ZBTB7C: variants seen among roughly 807,000 people sequenced by gnomAD.
ZBTB7C encodes zinc finger and BTB domain-containing protein 7C.
ZBTB7C carries 8 observed loss-of-function variants against 25.7 expected under a neutral mutation model. That is an observed-to-expected ratio of 0.31 (90% CI 0.18 to 0.56). The LOEUF (loss-of-function observed/expected upper bound fraction) is 0.56, where lower values mean the gene tolerates loss of function less well. Among genes scored for constraint, ZBTB7C ranks in the 20% least tolerant of loss-of-function variants. The probability of loss-of-function intolerance (pLI) is 0.91; values close to 1 mark genes in which losing one functional copy is unlikely to be tolerated. For synonymous variants in ZBTB7C, 394 were observed against 369.0 expected, an observed-to-expected ratio of 1.07 and a Z score of -0.78; for missense variants, 824 against 855.2, an observed-to-expected ratio of 0.96 and a Z score of 0.46.
chr18:48,373,853 C>T (rs1228179406), intron 1 of ZBTB7C, among the ~76,000 whole-genome samples: 2 of 151,674 alleles, frequency 1.3e-5, no homozygotes, highest in Non-Finnish European at 2.9e-5. Context: ...CCCAGCTACT[C>T]GGGGGGCTAA....
chr18:48,172,118 C>T (rs981214155), intron 3 of ZBTB7C, among the ~76,000 whole-genome samples: 3 of 152,206 alleles, frequency 2.0e-5, no homozygotes, highest in African/African-American at 7.2e-5. Context: ...GTGTAGGCTG[C>T]AGGCAGAGGA....
chr18:48,383,154 C>A (rs1237503731), intron 1 of ZBTB7C, among the ~76,000 whole-genome samples: 1 of 152,192 alleles, frequency 6.6e-6, no homozygotes, highest in East Asian at 1.9e-4. Context: ...CACCAGCCTA[C>A]TGGCCTAGGT....
intron 3 of ZBTB7C, chr18:48,076,871 G>A (rs961298184): frequency 6.4e-6 from 6 of 930,964 alleles, no homozygotes; most frequent in Non-Finnish European, 6.4e-6. Context: ...CCCAAAGCCC[G>A]AACCATGATC....
chr18:48,405,519 G>A (rs546165061), intron 1 of ZBTB7C, among the ~76,000 whole-genome samples: 48 of 152,350 alleles, frequency 3.2e-4, no homozygotes, highest in African/African-American at 1.1e-3. Flanking sequence ...GTGCAAATGG[G>A]AGAGTAGTAT....
At chr18:48,162,406 T>C (rs1312091698) in intron 3 of ZBTB7C, 1 of 456,558 alleles carries the variant, frequency 2.2e-6, no homozygotes, top group African/African-American at 2.0e-5. Context: ...ATCTGTAAAA[T>C]TGAGATAGTA....
intron 3 of ZBTB7C, among the ~76,000 whole-genome samples, chr18:48,141,276 T>C (rs1334066167): frequency 1.3e-5 from 2 of 152,062 alleles, no homozygotes; most frequent in Admixed American, 6.5e-5. Context: ...CCTGACCACA[T>C]AGATAAATTA....
chr18:48,245,105 C>CAT (rs1568327234), intron 2 of ZBTB7C, among the ~76,000 whole-genome samples: 2 of 122,690 alleles, frequency 1.6e-5, no homozygotes, highest in Admixed American at 8.3e-5. Flanking sequence ...TATATATATA[C>CAT]ACACACACAC....
intron 1 of ZBTB7C, among the ~76,000 whole-genome samples, chr18:48,342,314 C>T (rs937611040): frequency 3.9e-5 from 6 of 152,370 alleles, no homozygotes; most frequent in East Asian, 1.9e-4. Flanking sequence ...CTGATGCCAA[C>T]GTCTGGCTGG....
At chr18:48,284,009 T>C (rs1231069944) in intron 2 of ZBTB7C, among the ~76,000 whole-genome samples, 1 of 152,042 alleles carries the variant, frequency 6.6e-6, no homozygotes, top group Non-Finnish European at 1.5e-5. Context: ...TTGCCAGGCA[T>C]AGTGGTGCAC....
rs191776164 is a variant in ZBTB7C, at chr18:48,241,607, T to C, written c.-78-55612A>G. On this transcript the variant is annotated intron_variant, in intron 2 of 4. Coordinates refer to ENST00000590800, the MANE Select transcript of ZBTB7C (RefSeq NM_001318841.2). ...TAAATAATCTGCTCCTGAATGATTGTTGGTACAACAATGAAATCAAGATAG... is the reference window on the plus strand; with the variant it reads ...TAAATAATCTGCTCCTGAATGATTGCTGGTACAACAATGAAATCAAGATAG... Among the ~76,000 whole-genome samples, 23 of 152,250 alleles carry C rather than the reference T, an allele frequency of 1.5e-4. No homozygotes were observed. The East Asian group carries it at 4.1e-3, about 27-fold the overall frequency.
At chr18:48,069,597 G>A (rs2037465954) in intron 3 of ZBTB7C, among the ~76,000 whole-genome samples, 1 of 152,052 alleles carries the variant, frequency 6.6e-6, no homozygotes, top group Admixed American at 6.5e-5. Flanking sequence ...AAGCAAGTCG[G>A]GCCCCTCTAT....
intron 3 of ZBTB7C, among the ~76,000 whole-genome samples, chr18:48,179,622 T>C (rs566138032): frequency 2.0e-5 from 3 of 151,988 alleles, no homozygotes; most frequent in East Asian, 3.9e-4. Flanking sequence ...GTTGGGGGAG[T>C]GGTCAGAAGT....
chr18:48,100,070 C>A (rs2038778033), intron 3 of ZBTB7C, among the ~76,000 whole-genome samples: 1 of 152,178 alleles, frequency 6.6e-6, no homozygotes, highest in South Asian at 2.1e-4. Flanking sequence ...TTCCTTCACT[C>A]TTCTCTGTCA....
chr18:48,268,958 CT>C (rs140699441), intron 2 of ZBTB7C, among the ~76,000 whole-genome samples: 1,713 of 118,984 alleles, frequency 0.014, 18 homozygotes, highest in African/African-American at 0.046. Context: ...TGCTCTGTTT[CT>C]TTTTTTTTTT....
intron 2 of ZBTB7C, among the ~76,000 whole-genome samples, chr18:48,288,445 C>T (rs945387565): frequency 2.0e-5 from 3 of 149,386 alleles, no homozygotes; most frequent in East Asian, 2.0e-4. Context: ...GCCAGGAGTT[C>T]GGGACCAGCC....
chr18:48,091,845 C>T (rs1263885875), intron 3 of ZBTB7C, among the ~76,000 whole-genome samples: 1 of 152,162 alleles, frequency 6.6e-6, no homozygotes, highest in Non-Finnish European at 1.5e-5. Context: ...CTTCAGAGGC[C>T]ACTCGGTGGC....
chr18:48,219,513 C>T (rs1389608119), intron 2 of ZBTB7C, among the ~76,000 whole-genome samples: 1 of 152,194 alleles, frequency 6.6e-6, no homozygotes, highest in Non-Finnish European at 1.5e-5. Context: ...TAAGTGCCTT[C>T]CCAGGTCACA....
chr18:48,041,989 G>C (rs2144168708), intron 3 of ZBTB7C, among the ~76,000 whole-genome samples: 1 of 152,294 alleles, frequency 6.6e-6, no homozygotes, highest in Admixed American at 6.5e-5. Context: ...TATACATAAA[G>C]TATGGCCAGT....
intron 3 of ZBTB7C, among the ~76,000 whole-genome samples, chr18:48,128,783 A>C (rs1184036178): frequency 3.3e-5 from 5 of 152,212 alleles, no homozygotes. Flanking sequence ...TGAGGAGTGC[A>C]CTAAAGTCTC....
Sources: allele counts gnomAD v4.1 joint callset (sites outside exome capture counted in the v4.1 genomes callset), GRCh38; gene constraint gnomAD v4.1.1; transcripts MANE v1.5; gene names NCBI Gene and HGNC (gene_info 2026-07-23, HGNC 2026-07-21).